The following SLC43A1 variants were observed in gnomAD, a reference collection of about 807,000 sequenced individuals.
SLC43A1 encodes large neutral amino acids transporter small subunit 3.
In SLC43A1, 31 loss-of-function variants were observed where a neutral mutation model predicts 59.5. The ratio of observed to expected loss-of-function variants is 0.52; its 90% CI spans 0.39 to 0.70. SLC43A1 has a LOEUF of 0.70. Among genes scored for constraint, SLC43A1 ranks in the 30% least tolerant of loss-of-function variants. The pLI, the probability that SLC43A1 is intolerant of heterozygous loss-of-function variation, is 0.00. For missense variants in SLC43A1, 598 were observed against 717.8 expected, an observed-to-expected ratio of 0.83 and a Z score of 1.91; for synonymous variants, 259 against 290.9, an observed-to-expected ratio of 0.89 and a Z score of 1.12.
intron 2 of SLC43A1, among the ~76,000 whole-genome samples, chr11:57,508,266 C>A (rs1309445014): frequency 1.1e-5 from 1 of 88,564 alleles, no homozygotes; most frequent in Non-Finnish European, 2.6e-5. Context: ...GATTCCATCT[C>A]CAAAAAAAAA....
At position 57,496,081 on chromosome 11, in the gene SLC43A1, G is replaced by T. The variant is rs374920802; in HGVS notation, c.642C>A (p.Thr214=). The change falls in exon 7 of 15, where the codon ACC becomes ACA. Residue 214 remains threonine (T), a synonymous_variant. Transcript: ENST00000278426. The part of the protein sequence containing the change: ...GLACLIFLNC[T]LNWPIEAFPA... ...GAAAGGCTTCGATGGGCCAGTTGAG[G>T]GTGCAGTTCAGAAAGATAAGGCAGG... 2.5e-4 allele frequency: 396 copies of T among 1,614,152 alleles called. 2 individuals carry two copies. The South Asian group carries it at 2.7e-3, about 11-fold the overall frequency.
chr11:57,509,059 T>C (rs1013847718), intron 2 of SLC43A1, among the ~76,000 whole-genome samples: 2 of 151,382 alleles, frequency 1.3e-5, no homozygotes, highest in Admixed American at 6.6e-5. Flanking sequence ...GAGGTTGCAC[T>C]GAGCCAAGAT....
chr11:57,505,315 C>A (rs1168560101), intron 2 of SLC43A1, among the ~76,000 whole-genome samples: 1 of 152,102 alleles, frequency 6.6e-6, no homozygotes, highest in African/African-American at 2.4e-5. Context: ...AGTTCAAGAC[C>A]CACCTGGCCA....
Position 57,507,996 on chromosome 11 carries a change from G to A in SLC43A1, c.154+5962C>T, listed in dbSNP as rs190470288. 2.0e-5 allele frequency among the ~76,000 whole-genome samples: 3 copies of A among 152,358 alleles called. No homozygotes were observed. The East Asian group carries it at 5.8e-4, about 29-fold the overall frequency. On this transcript the variant is annotated intron_variant, in intron 2 of 14. Transcript: ENST00000278426. ...TTAAGAAAATTAAGTGCCAGGCACG[G>A]TGGCTCACGCCTGTAATCCCGACAC...
At chr11:57,487,465 C>A (rs1943774783) in intron 13 of SLC43A1, among the ~76,000 whole-genome samples, 1 of 152,152 alleles carries the variant, frequency 6.6e-6, no homozygotes, top group Non-Finnish European at 1.5e-5. Context: ...TCCCTGAGCC[C>A]CACTTCCTCC....
chr11:57,507,856 T>C (rs956966222), intron 2 of SLC43A1, among the ~76,000 whole-genome samples: 1 of 152,222 alleles, frequency 6.6e-6, no homozygotes, highest in Non-Finnish European at 1.5e-5. Context: ...CAGAATGTAG[T>C]AACAATCCCA....
chr11:57,514,728 A>T lies in SLC43A1; in HGVS notation c.-13-604T>A. The T allele has an allele frequency of 1.4e-6, 1 of 718,358 alleles. No homozygotes were observed. The highest frequency in any genetic ancestry group is 1.7e-6 in the Non-Finnish European group (1 of 586,066). The allele number at this position is 718,358 out of a possible 1,614,324, so 44.5% of individuals were successfully genotyped here. A position where few individuals can be genotyped will look rare whatever the true frequency, so the allele number is the denominator to read the frequency against. On this transcript the variant is annotated intron_variant, in intron 1 of 14. Coordinates refer to ENST00000278426, the MANE Select transcript of SLC43A1 (RefSeq NM_003627.6). This position sits in a 1 kb window ranked among gnomAD's most constrained non-coding sequence, Gnocchi z 5.5. ...GCCAACAGCTGCCACGTGGAGGGAGACCCAGGACGGGCTCTCCTCGGTTCC... is the reference window on the plus strand; with the variant it reads ...GCCAACAGCTGCCACGTGGAGGGAGTCCCAGGACGGGCTCTCCTCGGTTCC...
chr11:57,497,987 CTG>C, intron 5 of SLC43A1, 142 bp from the exon 6 acceptor site: 1 of 608,696 alleles, frequency 1.6e-6, no homozygotes, highest in Non-Finnish European at 2.9e-6. Flanking sequence ...ATGTGGGAAA[CTG>C]TACTCTGCCC....
Position 57,488,910 on chromosome 11 carries a change from A to T in SLC43A1, c.1409+6T>A. On this transcript the variant is annotated splice_donor_region_variant and intron_variant, in intron 13 of 14. Transcript: ENST00000278426. ...TCAGGAAGGCATTTCAGCCCAACAG[A>T]CTCACACTGCAGCATAGAGACTCCC... 1 of 1,612,654 alleles carries T rather than the reference A, an allele frequency of 6.2e-7. No homozygotes were observed. The highest frequency in any genetic ancestry group is 8.5e-7 in the Non-Finnish European group (1 of 1,178,668).
At chr11:57,508,300 T>C (rs1386794428) in intron 2 of SLC43A1, among the ~76,000 whole-genome samples, 1 of 149,296 alleles carries the variant, frequency 6.7e-6, no homozygotes, top group Non-Finnish European at 1.5e-5. Flanking sequence ...GAAAGAAAGA[T>C]AGAAAGAAAA....
rs1215559932 is a variant in SLC43A1 at position 57,488,975 on chromosome 11, G to C, written c.1350C>G (p.Val450=). ...NNLHLQFVTF[V]LHTIVRGFFH... ...AGAAACCTCGAACAATGGTGTGCAG[G>C]ACAAAGGTCACAAACTAAAACCAAA... Residue 450 remains valine (V), a synonymous_variant, in exon 13 of 15, where the codon GTC becomes GTG. Coordinates refer to ENST00000278426, the MANE Select transcript of SLC43A1 (RefSeq NM_003627.6). 2.5e-6 allele frequency: 4 copies of C among 1,614,052 alleles called. No individual in the cohort carries two copies. In the African/African-American group the frequency reaches 5.3e-5, roughly 22 times the overall value.
chr11:57,511,465 T>C (rs1258945454), intron 2 of SLC43A1, among the ~76,000 whole-genome samples: 3 of 151,876 alleles, frequency 2.0e-5, no homozygotes, highest in Admixed American at 2.0e-4. Context: ...GAAGAACATT[T>C]GGGTCTCACT....
chr11:57,493,907 A>G (rs1944002288), intron 8 of SLC43A1, 86 bp downstream of exon 8: 1 of 1,361,524 alleles, frequency 7.3e-7, no homozygotes, highest in Non-Finnish European at 9.9e-7. Context: ...GAGGGGTGCG[A>G]ATAAATACTC....
At chr11:57,486,225 G>A (rs1034226235) in intron 14 of SLC43A1, among the ~76,000 whole-genome samples, 14 of 152,338 alleles carry the variant, frequency 9.2e-5, no homozygotes, top group African/African-American at 3.1e-4. Context: ...TGTGGCTCAC[G>A]CCTGTAACCC....
At chr11:57,495,978 C>T (rs933552613) in intron 7 of SLC43A1, 53 bp downstream of exon 7, 13 of 1,586,784 alleles carry the variant, frequency 8.2e-6, no homozygotes, top group African/African-American at 6.8e-5. Context: ...TCTATCATAT[C>T]ACCACAGCCC....
In SLC43A1 at chr11:57,496,123, G is replaced by A; in HGVS notation, c.600C>T (p.Phe200=). The change falls in exon 7 of 15, where the codon TTC becomes TTT. Residue 200 remains phenylalanine (F), a synonymous_variant. Transcript: ENST00000278426. ...DAGVAFVVIM[F]TWSGLACLIF... is the part of the protein sequence containing the mutation. ...TAAGGCAGGCCAGGCCAGACCAGGT[G>A]AACATGATGACCACGAAGGCCACAC... The A allele has an allele frequency of 2.5e-6, 4 of 1,614,114 alleles. No individual in the cohort carries two copies. Among genetic ancestry groups the A allele is most frequent in the Non-Finnish European group, 3.4e-6 (4 of 1,179,994 alleles).
chr11:57,510,700 A>G (rs912892552), intron 2 of SLC43A1, among the ~76,000 whole-genome samples: 1 of 151,842 alleles, frequency 6.6e-6, no homozygotes, highest in African/African-American at 2.4e-5. Flanking sequence ...ATTTAAAAAA[A>G]TGTAAAGGAG....
intron 5 of SLC43A1, among the ~76,000 whole-genome samples, chr11:57,498,868 GT>G (rs1177890510): frequency 6.6e-6 from 1 of 152,138 alleles, no homozygotes; most frequent in Non-Finnish European, 1.5e-5. Flanking sequence ...GGAAGGCAAA[GT>G]CAGGATGCCC....
At chr11:57,491,667 G>C (rs200416899) in intron 9 of SLC43A1, 41 bp from the exon 10 acceptor site, 3 of 1,614,226 alleles carry the variant, frequency 1.9e-6, no homozygotes, top group Non-Finnish European at 1.7e-6. Flanking sequence ...GCTCAGCCAG[G>C]GTGACCCGCC....
Sources: allele counts gnomAD v4.1 joint callset (sites outside exome capture counted in the v4.1 genomes callset), GRCh38; gene constraint gnomAD v4.1.1; non-coding constraint Gnocchi (gnomAD v3.1); transcripts MANE v1.5; gene names NCBI Gene and HGNC (gene_info 2026-07-23, HGNC 2026-07-21).